The following KIAA0825 variants were observed in gnomAD, a reference collection of about 807,000 sequenced individuals.
The protein encoded by KIAA0825 is uncharacterized protein KIAA0825.
In KIAA0825, 119 loss-of-function variants were observed where a neutral mutation model predicts 147.6. The ratio of observed to expected loss-of-function variants is 0.81; its 90% CI spans 0.69 to 0.94. KIAA0825 has a LOEUF of 0.94. Among genes scored for constraint, KIAA0825 ranks in the 40% least tolerant of loss-of-function variants. KIAA0825 has a pLI of 0.00. For synonymous variants in KIAA0825, 470 were observed against 518.1 expected (o/e 0.91, Z 1.26); for missense variants, 1,381 against 1,472.7 (o/e 0.94, Z 1.02).
At chr5:94,348,351 T>A (rs1188821748) in intron 20 of KIAA0825, among the ~76,000 whole-genome samples, 1 of 152,134 alleles carries the variant, frequency 6.6e-6, no homozygotes, top group African/African-American at 2.4e-5. Context: ...CATCAGGTTA[T>A]CCAAAGTTAA....
rs116530858 is a variant in KIAA0825, at chr5:94,325,478, G to A, written c.3710+58890C>T. Among the ~76,000 whole-genome samples the A allele has an allele frequency of 2.1e-3, 315 of 152,006 alleles. 2 individuals carry two copies. Among genetic ancestry groups the A allele is most frequent in the African/African-American group, 7.4e-3 (308 of 41,508 alleles). Reference sequence around the variant, plus strand: ...TCATCATTTAAATTTTCCCATGGATGTGACTATAAAATAGATGCAGAAATA... The same window carrying A: ...TCATCATTTAAATTTTCCCATGGATATGACTATAAAATAGATGCAGAAATA... On this transcript the variant is annotated intron_variant, in intron 20 of 20. Coordinates refer to ENST00000682413, the MANE Select transcript of KIAA0825 (RefSeq NM_001145678.3).
In KIAA0825 at chr5:94,428,941, G is replaced by A. The variant is rs761109556; in HGVS notation, c.2497+11041C>T. Among the ~76,000 whole-genome samples the A allele has an allele frequency of 1.5e-4, 23 of 152,120 alleles. 1 individual carries two copies. Among genetic ancestry groups the A allele is most frequent in the Non-Finnish European group, 3.1e-4 (21 of 67,992 alleles). ...TTGTCTGAGTGAGTTCAAAATACCA[G>A]TCTTCAAGCTTTGAGATTTTTTTCT... On this transcript the variant is annotated intron_variant, in intron 14 of 20. Transcript: ENST00000682413.
chr5:94,490,873 A>G lies in KIAA0825; in HGVS notation c.971-5943T>C, dbSNP rs534670844. 2.6e-5 allele frequency among the ~76,000 whole-genome samples: 4 copies of G among 152,336 alleles called. No homozygotes were observed. In the South Asian group the frequency reaches 8.3e-4, roughly 32 times the overall value. ...TTTAGGACATTGAAAATAAATCTAG[A>G]GGGACATTAGGTCTCCTCACATTTG... On this transcript the variant is annotated intron_variant, in intron 5 of 20. Coordinates refer to ENST00000682413, the MANE Select transcript of KIAA0825 (RefSeq NM_001145678.3).
intron 2 of KIAA0825, among the ~76,000 whole-genome samples, chr5:94,580,932 A>G (rs917292435): frequency 3.5e-5 from 5 of 143,946 alleles, no homozygotes; most frequent in Non-Finnish European, 6.0e-5. Context: ...TGCATAACAC[A>G]TAAGATTTTA....
intron 20 of KIAA0825, among the ~76,000 whole-genome samples, chr5:94,306,386 T>C (rs1778734487): frequency 6.6e-6 from 1 of 151,828 alleles, no homozygotes; most frequent in Admixed American, 6.6e-5. Flanking sequence ...CCCTCATCAT[T>C]TAAAAATTGA....
chr5:94,529,371 A>C (rs62364619), intron 3 of KIAA0825, among the ~76,000 whole-genome samples: 1 of 119,658 alleles, frequency 8.4e-6, no homozygotes, highest in Non-Finnish European at 1.8e-5. Context: ...TCATATATGT[A>C]TATATCTCAT....
rs1402227272 is a variant in KIAA0825, at chr5:94,386,288, A to T, written c.3573T>A (p.Pro1191=). The T allele has an allele frequency of 1.3e-6, 2 of 1,551,372 alleles. No individual in the cohort carries two copies. The highest frequency in any genetic ancestry group is 1.7e-6 in the Non-Finnish European group (2 of 1,146,768). ...SIEDQPSAFN[P]FHVYKAFSEN... ...CACTAAACGCCTTATACACATGGAA[A>T]GGGTTAAAGGCAGAAGGCTGATCTT... The change falls in exon 19 of 21, where the codon CCT becomes CCA. Residue 1191 remains proline (P), a synonymous_variant. Coordinates refer to ENST00000682413, the MANE Select transcript of KIAA0825 (RefSeq NM_001145678.3).
At chr5:94,304,675 A>C (rs191452128) in intron 20 of KIAA0825, among the ~76,000 whole-genome samples, 3 of 152,108 alleles carry the variant, frequency 2.0e-5, no homozygotes, top group Admixed American at 2.0e-4. Flanking sequence ...AAACACAGAC[A>C]CATACAATTG....
intron 1 of KIAA0825, among the ~76,000 whole-genome samples, chr5:94,610,786 AG>A (rs1368204796): frequency 7.9e-5 from 9 of 113,640 alleles, no homozygotes; most frequent in Middle Eastern, 5.0e-3. Context: ...AAAAAAAAAA[AG>A]TATATATATA....
intron 20 of KIAA0825, among the ~76,000 whole-genome samples, chr5:94,242,899 G>C (rs2150107473): frequency 6.6e-6 from 1 of 152,252 alleles, no homozygotes; most frequent in Middle Eastern, 3.4e-3. Context: ...GGGATTACAG[G>C]TGTGAGCCAC....
intron 5 of KIAA0825, chr5:94,519,312 A>C: frequency 1.1e-6 from 1 of 905,330 alleles, no homozygotes; most frequent in Non-Finnish European, 1.3e-6. Context: ...TCCATAATTC[A>C]CCAAATAATA....
chr5:94,185,250 G>A (rs1770017619), intron 20 of KIAA0825, among the ~76,000 whole-genome samples: 1 of 152,122 alleles, frequency 6.6e-6, no homozygotes, highest in African/African-American at 2.4e-5. Context: ...ACAATCTACT[G>A]CTCTAGGCAT....
At chr5:94,442,557 C>T (rs903321290) in intron 13 of KIAA0825, among the ~76,000 whole-genome samples, 6 of 152,160 alleles carry the variant, frequency 3.9e-5, no homozygotes, top group African/African-American at 1.4e-4. Flanking sequence ...GAAGAACTCA[C>T]TAGATGAGCC....
In KIAA0825 at chr5:94,154,004, A is replaced by C. The variant is rs1318320316; in HGVS notation, c.*3T>G. 1.9e-6 allele frequency: 3 copies of C among 1,542,018 alleles called. No individual in the cohort carries two copies. The highest frequency in any genetic ancestry group is 1.8e-6 in the Non-Finnish European group (2 of 1,138,190). On this transcript the variant is annotated 3_prime_UTR_variant, in exon 21 of 21. Transcript: ENST00000682413. The stretch of plus-strand genomic sequence containing the variant: ...AAATAAAGCTGTTGCTGTTTTCTGC[A>C]GATTACTGTTCCTCTATGTTATCTG...
At chr5:94,250,281 A>G (rs1775880338) in intron 20 of KIAA0825, among the ~76,000 whole-genome samples, 2 of 152,156 alleles carry the variant, frequency 1.3e-5, no homozygotes, top group Non-Finnish European at 2.9e-5. Context: ...GTAAAAGTCC[A>G]AAGTTGGCAT....
intron 20 of KIAA0825, among the ~76,000 whole-genome samples, chr5:94,200,775 T>C (rs1393357724): frequency 6.6e-6 from 1 of 151,644 alleles, no homozygotes; most frequent in Non-Finnish European, 1.5e-5. Flanking sequence ...GAAAGACAAC[T>C]CCCATACCAG....
intron 20 of KIAA0825, among the ~76,000 whole-genome samples, chr5:94,339,720 T>G (rs1782172109): frequency 6.6e-6 from 1 of 152,198 alleles, no homozygotes; most frequent in South Asian, 2.1e-4. Context: ...TCAGTCAGTT[T>G]GGCCCACATT....
intron 20 of KIAA0825, among the ~76,000 whole-genome samples, chr5:94,182,250 C>CTTTTTTTTTTT (rs771486226): frequency 0.11 from 4,295 of 38,160 alleles, 1,731 homozygotes; most frequent in South Asian, 0.18. Flanking sequence ...AATGTCCCTT[C>CTTTTTTTTTTT]TTTTTTTTTT....
At chr5:94,186,484 TAA>T (rs1279064786) in intron 20 of KIAA0825, among the ~76,000 whole-genome samples, 2 of 152,162 alleles carry the variant, frequency 1.3e-5, no homozygotes, top group Non-Finnish European at 2.9e-5. Flanking sequence ...TGATAATAAA[TAA>T]GTCAATTTGT....
Sources: allele counts gnomAD v4.1 joint callset (sites outside exome capture counted in the v4.1 genomes callset), GRCh38; gene constraint gnomAD v4.1.1; transcripts MANE v1.5; gene names NCBI Gene and HGNC (gene_info 2026-07-23, HGNC 2026-07-21).